The following LZTFL1 variants were observed in gnomAD, a reference collection of about 807,000 sequenced individuals.
The protein encoded by LZTFL1 is leucine zipper transcription factor-like protein 1.
In LZTFL1, 25 loss-of-function variants were observed where a neutral mutation model predicts 45.9. The observed-to-expected ratio is 0.54, with a 90% confidence interval of 0.40 to 0.76. The LOEUF (loss-of-function observed/expected upper bound fraction) is 0.76. Among genes scored for constraint, LZTFL1 ranks in the 30% least tolerant of loss-of-function variants. The pLI is 0.00. For synonymous variants in LZTFL1, 93 were observed against 117.4 expected (o/e 0.79, Z 1.35); for missense variants, 277 against 331.1 (o/e 0.84, Z 1.27).
chr3:45,834,806 C>T (rs1242926283), intron 3 of LZTFL1: 1 of 153,690 alleles, frequency 6.5e-6, no homozygotes, highest in Non-Finnish European at 1.4e-5. Flanking sequence ...GAAGTGACTA[C>T]ACACAAGCTT....
intron 2 of LZTFL1, among the ~76,000 whole-genome samples, chr3:45,905,459 A>G (rs1702661980): frequency 2.0e-5 from 3 of 152,266 alleles, no homozygotes; most frequent in Admixed American, 1.3e-4. Flanking sequence ...ATTCCTTATG[A>G]GGTCCTCTCC....
At chr3:45,902,461 T>A in intron 2 of LZTFL1, 1 of 167,764 alleles carries the variant, frequency 6.0e-6, no homozygotes. Context: ...CTCCTTGTTC[T>A]GTTCTGGGCC....
intron 2 of LZTFL1, among the ~76,000 whole-genome samples, chr3:45,907,816 C>G (rs1361778000): frequency 1.3e-5 from 2 of 152,202 alleles, no homozygotes; most frequent in Non-Finnish European, 2.9e-5. Flanking sequence ...AACAAGCAGC[C>G]ACGGACTGTG....
rs111468341 is a variant in LZTFL1 at position 45,898,027 on chromosome 3, C to CA, written c.-215+15092dup. On this transcript the variant is annotated intron_variant, in intron 2 of 4. Transcript: ENST00000472635. ...ACACAAAACACCAACCCACAAATAA[C>CA]AAAAAAAAAACTTCAAAAGCAAGTT... is the stretch of plus-strand genomic sequence containing the variant. Among the ~76,000 whole-genome samples, 718 of 126,574 alleles carry CA rather than the reference C, an allele frequency of 5.7e-3. 29 individuals carry two copies. The East Asian group carries it at 0.12, about 21-fold the overall frequency. The allele number at this position is 126,574 out of a possible 152,430, so 83.0% of individuals were successfully genotyped here.
chr3:45,900,864 G>T lies in LZTFL1; in HGVS notation c.-215+12256C>A, dbSNP rs771783658. 2 of 1,614,068 alleles carry T rather than the reference G, an allele frequency of 1.2e-6. No individual in the cohort carries two copies. Among genetic ancestry groups the T allele is most frequent in the Non-Finnish European group, 1.7e-6 (2 of 1,179,996 alleles). ...TGGCTCTGAATCCACATCTTCCATG[G>T]AAGACTACGTTAACTTCAACTTCAC... On this transcript the variant is annotated intron_variant, in intron 2 of 4. Coordinates refer to the LZTFL1 transcript ENST00000472635. This position sits in a 1 kb window ranked among gnomAD's most constrained non-coding sequence, Gnocchi z 4.7.
At chr3:45,837,459 T>C (rs1321182647) in intron 2 of LZTFL1, among the ~76,000 whole-genome samples, 2 of 152,252 alleles carry the variant, frequency 1.3e-5, no homozygotes, top group East Asian at 1.9e-4. Context: ...TATCATCTCA[T>C]GCTAGAAATC....
intron 2 of LZTFL1, among the ~76,000 whole-genome samples, chr3:45,865,820 T>C (rs1015528023): frequency 6.6e-6 from 1 of 152,224 alleles, no homozygotes; most frequent in Non-Finnish European, 1.5e-5. Flanking sequence ...GAAAGAAATA[T>C]ATGTTCCTGC....
rs1559421352 is a variant in LZTFL1 at position 45,890,273 on chromosome 3, T to TAAATATATATAAC, written c.-215+22846_-215+22847insGTTATATATATTT. 1.8e-3 allele frequency among the ~76,000 whole-genome samples: 37 copies of TAAATATATATAAC among 20,894 alleles called. 9 individuals are homozygous for TAAATATATATAAC. The South Asian group carries it at 0.042, about 24-fold the overall frequency. The allele number at this position is 20,894 out of a possible 152,430, so 13.7% of individuals were successfully genotyped here. ...GGGTATTAGAAATATATATATAACA[T>TAAATATATATAAC]ATATATATATTTATATAAATATATA... On this transcript the variant is annotated intron_variant, in intron 2 of 4. Coordinates refer to the LZTFL1 transcript ENST00000472635.
At chr3:45,835,156 T>C (rs1354607329) in intron 3 of LZTFL1, 1 of 153,124 alleles carries the variant, frequency 6.5e-6, no homozygotes, top group East Asian at 1.9e-4. Flanking sequence ...AGTTAATAAA[T>C]GTATACTTTT....
intron 2 of LZTFL1, among the ~76,000 whole-genome samples, chr3:45,898,295 T>C (rs758502252): frequency 2.0e-4 from 31 of 152,196 alleles, no homozygotes; most frequent in Non-Finnish European, 3.4e-4. Flanking sequence ...CTGGTTCCCG[T>C]GTCCAGCGTT....
chr3:45,854,845 T>C, intron 4 of LZTFL1: 1 of 610,846 alleles, frequency 1.6e-6, no homozygotes, highest in Non-Finnish European at 2.7e-6. Flanking sequence ...CTGAAATAAC[T>C]CAAAATCATC....
At chr3:45,892,564 T>C (rs1575296405) in intron 2 of LZTFL1, among the ~76,000 whole-genome samples, 1 of 152,090 alleles carries the variant, frequency 6.6e-6, no homozygotes, top group African/African-American at 2.4e-5. Flanking sequence ...CCCTTGAGGA[T>C]GGAGGGAGGT....
intron 2 of LZTFL1, among the ~76,000 whole-genome samples, chr3:45,888,439 T>C (rs1702049594): frequency 6.6e-6 from 1 of 152,250 alleles, no homozygotes; most frequent in Admixed American, 6.5e-5. Flanking sequence ...CATGACTTAC[T>C]CAGTGTATTT....
chr3:45,823,316 T>C lies in LZTFL1; in HGVS notation c.*2998A>G, dbSNP rs1575245233. 1 of 149,910 alleles carries C rather than the reference T, an allele frequency of 6.7e-6. No homozygotes were observed. Among genetic ancestry groups the C allele is most frequent in the Admixed American group, 6.8e-5 (1 of 14,740 alleles). The allele number at this position is 149,910 out of a possible 1,614,324, so 9.3% of individuals were successfully genotyped here. ...ACTATAAAGGATTTTCCAAGTTCCATTTTGCTTTGTCTAACAGTGGTTTTT... is the reference window on the plus strand; with the variant it reads ...ACTATAAAGGATTTTCCAAGTTCCACTTTGCTTTGTCTAACAGTGGTTTTT... On this transcript the variant is annotated 3_prime_UTR_variant, in exon 10 of 10. Transcript: ENST00000296135.
At chr3:45,848,451 G>A (rs562821948) in intron 4 of LZTFL1, among the ~76,000 whole-genome samples, 4 of 152,194 alleles carry the variant, frequency 2.6e-5, no homozygotes, top group African/African-American at 9.7e-5. Context: ...AAGGCTTACA[G>A]TATTGCGCTA....
At chr3:45,832,564 A>AT (rs375667071) in intron 5 of LZTFL1, 10,245 of 144,410 alleles carry the variant, frequency 0.071, 400 homozygotes, top group Non-Finnish European at 0.085. Flanking sequence ...CTGATAAATA[A>AT]TTTTTTTTTT....
chr3:45,913,305 C>CTTTT, intron 1 of LZTFL1: 3 of 523,782 alleles, frequency 5.7e-6, no homozygotes, highest in Non-Finnish European at 9.7e-6. Context: ...AGATCCTTAA[C>CTTTT]TTTTTTTTTT....
At chr3:45,833,626 C>A (rs1320660868) in intron 4 of LZTFL1, among the ~76,000 whole-genome samples, 1 of 152,152 alleles carries the variant, frequency 6.6e-6, no homozygotes, top group Non-Finnish European at 1.5e-5. Flanking sequence ...TAAAATAATT[C>A]ATGCCCTCTG....
At position 45,899,115 on chromosome 3, in the gene LZTFL1, G is replaced by C. The variant is rs112429621; in HGVS notation, c.-215+14005C>G. Among the ~76,000 whole-genome samples, 1,364 of 152,336 alleles carry C rather than the reference G, an allele frequency of 9.0e-3. 20 individuals are homozygous for C. Among genetic ancestry groups the C allele is most frequent in the African/African-American group, 0.031 (1,292 of 41,576 alleles). ...TGGGAGGCGGAGGTTGCAGTGAGCC[G>C]AGATGGCGCCATTGCACTCCAGCCT... On this transcript the variant is annotated intron_variant, in intron 2 of 4. Coordinates refer to the LZTFL1 transcript ENST00000472635.
Sources: gnomAD v4.1 joint callset for allele counts (sites outside exome capture counted in the v4.1 genomes callset) on GRCh38, gnomAD v4.1.1 for gene constraint, Gnocchi (gnomAD v3.1) non-coding constraint, MANE v1.5 for transcripts, NCBI Gene and HGNC (gene_info 2026-07-23, HGNC 2026-07-21) for gene names.